TNRC6B: variants seen among roughly 807,000 people sequenced by gnomAD.
TNRC6B encodes the protein trinucleotide repeat-containing gene 6B protein.
In TNRC6B, 52 loss-of-function variants were observed where a neutral mutation model predicts 203.6. The observed-to-expected ratio is 0.26, with a 90% confidence interval of 0.20 to 0.32. The LOEUF is 0.32. Ranked by LOEUF, TNRC6B falls within the 10% of genes least tolerant of loss-of-function variation. The pLI is 1.00. For synonymous variants in TNRC6B, 838 were observed against 845.7 expected (o/e 0.99, Z 0.16); for missense variants, 1,923 against 2,286.2 (o/e 0.84, Z 3.24).
chr22:40,241,908 T>A (rs931643917), intron 1 of TNRC6B, among the ~76,000 whole-genome samples: 1 of 152,252 alleles, frequency 6.6e-6, no homozygotes, highest in Non-Finnish European at 1.5e-5. Context: ...TTGTTCCAGA[T>A]TTAGCTTGTA....
intron 1 of TNRC6B, among the ~76,000 whole-genome samples, chr22:40,237,404 A>C (rs994527509): frequency 6.6e-6 from 1 of 152,166 alleles, no homozygotes; most frequent in African/African-American, 2.4e-5. Flanking sequence ...GCAGCACTGC[A>C]TCTTGTTTGC....
intron 1 of TNRC6B, among the ~76,000 whole-genome samples, chr22:40,061,788 A>G (rs1047190089): frequency 6.6e-5 from 10 of 152,086 alleles, no homozygotes; most frequent in African/African-American, 2.4e-4. Context: ...GAACTTTACA[A>G]TTAGGCTGGG....
chr22:40,230,148 G>A (rs2069847197), intron 1 of TNRC6B, among the ~76,000 whole-genome samples: 1 of 152,024 alleles, frequency 6.6e-6, no homozygotes, highest in South Asian at 2.1e-4. Context: ...AAGTACATGT[G>A]TGTTGACATC....
intron 12 of TNRC6B, 48 bp from the exon 13 acceptor site, chr22:40,300,407 A>C (rs2071007267): frequency 2.0e-6 from 3 of 1,476,128 alleles, no homozygotes; most frequent in Non-Finnish European, 2.7e-6. Context: ...ATTTTGATAA[A>C]TTCTGAAGAT....
chr22:40,296,943 T>A (rs2070952655), intron 12 of TNRC6B, among the ~76,000 whole-genome samples: 1 of 152,154 alleles, frequency 6.6e-6, no homozygotes, highest in Non-Finnish European at 1.5e-5. Flanking sequence ...GGGAAATTTT[T>A]AAAATGATTT....
intron 1 of TNRC6B, among the ~76,000 whole-genome samples, chr22:40,088,302 T>A (rs2068117866): frequency 6.6e-6 from 1 of 152,252 alleles, no homozygotes; most frequent in African/African-American, 2.4e-5. Flanking sequence ...GCGGGCCTTC[T>A]GACTACAGAC....
At chr22:40,086,409 T>C (rs2068100151) in intron 1 of TNRC6B, among the ~76,000 whole-genome samples, 1 of 152,250 alleles carries the variant, frequency 6.6e-6, no homozygotes, top group Non-Finnish European at 1.5e-5. Context: ...TTATTGATGC[T>C]CAAATGATCC....
At position 40,261,881 on chromosome 22, in the gene TNRC6B, A is replaced by G; in HGVS notation, c.165A>G (p.Pro55=). Residue 55 remains proline (P), a synonymous_variant, in exon 4 of 23, where the codon CCA becomes CCG. Transcript: ENST00000454349. ...TAAGCCAACCAACGGCCGCCAGCCCAATTGGCAGCTCTCCATCGCCACCAG... is the reference window on the plus strand; with the variant it reads ...TAAGCCAACCAACGGCCGCCAGCCCGATTGGCAGCTCTCCATCGCCACCAG... The part of the protein sequence containing the change: ...PSLSQPTAAS[P]IGSSPSPPVN... 6.3e-7 allele frequency: 1 copy of G among 1,591,892 alleles called. No individual in the cohort carries two copies.
At chr22:40,201,869 G>C (rs531378157) in intron 1 of TNRC6B, among the ~76,000 whole-genome samples, 1 of 152,220 alleles carries the variant, frequency 6.6e-6, no homozygotes, top group East Asian at 1.9e-4. Flanking sequence ...CAGATTTTCA[G>C]ATTCAGGATG....
chr22:40,048,949 T>C (rs781439180), intron 1 of TNRC6B, among the ~76,000 whole-genome samples: 9 of 152,078 alleles, frequency 5.9e-5, no homozygotes, highest in Non-Finnish European at 1.0e-4. Flanking sequence ...CCTCCCAACT[T>C]CACTGGGTTC....
intron 3 of TNRC6B, among the ~76,000 whole-genome samples, chr22:40,129,639 A>G (rs957760108): frequency 6.6e-6 from 1 of 152,210 alleles, no homozygotes; most frequent in African/African-American, 2.4e-5. Context: ...GGATTTGTTT[A>G]AGAACTAATT....
upstream of TNRC6B, among the ~76,000 whole-genome samples, chr22:40,176,636 G>A (rs534481007): frequency 2.0e-3 from 298 of 152,300 alleles, no homozygotes; most frequent in African/African-American, 6.9e-3. Context: ...GGTGTTTGGT[G>A]TGGAGCCTCA....
rs1029358559 is a variant in TNRC6B at position 40,286,437 on chromosome 22, G to A, written c.3708+667G>A. Among the ~76,000 whole-genome samples, 3 of 152,094 alleles carry A rather than the reference G, an allele frequency of 2.0e-5. No homozygotes were observed. In the South Asian group the frequency reaches 6.2e-4, roughly 32 times the overall value. ...CAGTAGAATCGCTTGTACCCAGGAG[G>A]CAGAGGTTACAGTGAACCGAGATGA... On this transcript the variant is annotated intron_variant, in intron 12 of 22. Transcript: ENST00000454349.
chr22:40,335,076 T>G lies in TNRC6B; in HGVS notation c.*11835T>G, dbSNP rs2044018617. 6.6e-6 allele frequency: 1 copy of G among 152,508 alleles called. No individual in the cohort carries two copies. The highest frequency in any genetic ancestry group is 1.5e-5 in the Non-Finnish European group (1 of 68,018). 9.4% of individuals were successfully genotyped at this position (152,508 alleles called of 1,614,324 possible). On this transcript the variant is annotated 3_prime_UTR_variant, in exon 23 of 23. Coordinates refer to ENST00000454349, the MANE Select transcript of TNRC6B (RefSeq NM_001162501.2). ...TTTTACGATATTATTTTGGTGGCTT[T>G]CTTTTCTCTCTTTGATGGGCAATAG... is the stretch of plus-strand genomic sequence containing the variant.
At chr22:40,108,906 A>G (rs189814852) in intron 1 of TNRC6B, among the ~76,000 whole-genome samples, 2 of 152,108 alleles carry the variant, frequency 1.3e-5, no homozygotes, top group Admixed American at 1.3e-4. Context: ...TACATTAGCT[A>G]TTTTTCCTGA....
At chr22:40,217,310 C>G (rs2069648364) in intron 1 of TNRC6B, among the ~76,000 whole-genome samples, 1 of 152,112 alleles carries the variant, frequency 6.6e-6, no homozygotes, top group Non-Finnish European at 1.5e-5. Flanking sequence ...CTAAAAGCAC[C>G]ATAAAATGTA....
intron 3 of TNRC6B, among the ~76,000 whole-genome samples, chr22:40,151,856 G>A (rs1454213053): frequency 4.1e-5 from 5 of 122,118 alleles, no homozygotes; most frequent in African/African-American, 1.9e-4. Flanking sequence ...GAAAGAGAAA[G>A]AAAAGAAAGA....
intron 1 of TNRC6B, among the ~76,000 whole-genome samples, chr22:40,194,604 A>G (rs1357314271): frequency 6.6e-6 from 1 of 151,986 alleles, no homozygotes; most frequent in Non-Finnish European, 1.5e-5. Context: ...TTGATACAGA[A>G]CTCTTAGTTT....
intron 1 of TNRC6B, among the ~76,000 whole-genome samples, chr22:40,092,217 A>G (rs191890258): frequency 1.4e-4 from 21 of 152,228 alleles, no homozygotes; most frequent in Middle Eastern, 3.4e-3. Flanking sequence ...AGCCTAGCCA[A>G]CATGGAGAAA....
Sources: allele counts gnomAD v4.1 joint callset (sites outside exome capture counted in the v4.1 genomes callset), GRCh38; gene constraint gnomAD v4.1.1; transcripts MANE v1.5; gene names NCBI Gene and HGNC (gene_info 2026-07-23, HGNC 2026-07-21).